The following C1orf21 variants were observed in gnomAD, a reference collection of about 807,000 sequenced individuals.
The protein encoded by C1orf21 is uncharacterized protein C1orf21.
C1orf21 carries 3 observed loss-of-function variants against 18.7 expected under a neutral mutation model. That is an observed-to-expected ratio of 0.16 (90% confidence interval 0.07 to 0.42). The LOEUF (loss-of-function observed/expected upper bound fraction) is 0.42. C1orf21 is among the 10% of genes least tolerant of loss of function. C1orf21 has a pLI of 0.99. For missense variants in C1orf21, 104 were observed against 143.6 expected, an observed-to-expected ratio of 0.72 and a Z score of 1.41; for synonymous variants, 41 against 46.4, an observed-to-expected ratio of 0.88 and a Z score of 0.47.
chr1:184,546,966 T>C (rs1658736649), intron 3 of C1orf21, among the ~76,000 whole-genome samples: 1 of 152,212 alleles, frequency 6.6e-6, no homozygotes. Flanking sequence ...GAAATCTGGC[T>C]GATCTGGAGG....
chr1:184,501,174 AG>A (rs1657970725), intron 2 of C1orf21, among the ~76,000 whole-genome samples: 1 of 152,202 alleles, frequency 6.6e-6, no homozygotes, highest in East Asian at 1.9e-4. Context: ...GACACTGGCC[AG>A]GGAGGCCATA....
chr1:184,397,591 GA>G (rs140571615), intron 1 of C1orf21, among the ~76,000 whole-genome samples: 1 of 148,472 alleles, frequency 6.7e-6, no homozygotes, highest in East Asian at 2.1e-4. Flanking sequence ...GTCTGAAAAA[GA>G]AAAAAAAACA....
At chr1:184,559,157 G>A (rs1362942012) in intron 3 of C1orf21, among the ~76,000 whole-genome samples, 1 of 152,110 alleles carries the variant, frequency 6.6e-6, no homozygotes, top group Admixed American at 6.5e-5. Flanking sequence ...TGGAGGTCAG[G>A]CCTGGTAGGA....
chr1:184,446,986 A>T (rs1460840144), intron 1 of C1orf21, among the ~76,000 whole-genome samples: 1 of 151,862 alleles, frequency 6.6e-6, no homozygotes, highest in African/African-American at 2.4e-5. Flanking sequence ...GAAATTTTCC[A>T]TAAGAAAATA....
intron 1 of C1orf21, among the ~76,000 whole-genome samples, chr1:184,468,528 T>G (rs138649464): frequency 6.6e-6 from 1 of 152,348 alleles, no homozygotes; most frequent in Admixed American, 6.5e-5. Flanking sequence ...TACATTACAT[T>G]ATTAAAATTA....
chr1:184,552,330 A>G (rs1658824111), intron 3 of C1orf21, among the ~76,000 whole-genome samples: 1 of 152,232 alleles, frequency 6.6e-6, no homozygotes, highest in Non-Finnish European at 1.5e-5. Flanking sequence ...TTAAAAATGC[A>G]GATTTAAGAA....
intron 3 of C1orf21, among the ~76,000 whole-genome samples, chr1:184,536,881 G>A (rs1049217569): frequency 2.7e-5 from 4 of 150,706 alleles, no homozygotes; most frequent in Admixed American, 1.3e-4. Flanking sequence ...CCCTAAAAAT[G>A]GAAAAACAGA....
rs573709160 is a variant in C1orf21, at chr1:184,536,855, A to G, written c.189+29173A>G. On this transcript the variant is annotated intron_variant, in intron 3 of 5. Coordinates refer to ENST00000235307, the MANE Select transcript of C1orf21 (RefSeq NM_030806.4). ...GGAGTGTATTCTTTTGTGGAAAAAA[A>G]AAAAAAGATTACTTTCCCTAAAAAT... Among the ~76,000 whole-genome samples the G allele has an allele frequency of 8.0e-4, 122 of 151,962 alleles. 1 individual carries two copies. The highest frequency in any genetic ancestry group is 2.1e-4 in the Non-Finnish European group (14 of 67,948).
intron 5 of C1orf21, among the ~76,000 whole-genome samples, chr1:184,604,973 C>T (rs1357207577): frequency 1.3e-5 from 2 of 152,138 alleles, no homozygotes; most frequent in African/African-American, 4.8e-5. Flanking sequence ...AAATAAAAAC[C>T]ACGCCATTTC....
At chr1:184,475,291 C>A (rs917989480) in intron 1 of C1orf21, among the ~76,000 whole-genome samples, 1 of 152,124 alleles carries the variant, frequency 6.6e-6, no homozygotes, top group African/African-American at 2.4e-5. Context: ...GGTAGCAAGG[C>A]CTTCTGCAGG....
chr1:184,406,920 A>G (rs1656257902), intron 1 of C1orf21, among the ~76,000 whole-genome samples: 1 of 152,106 alleles, frequency 6.6e-6, no homozygotes, highest in Non-Finnish European at 1.5e-5. Context: ...CGGCCTACCA[A>G]AATGATGGGA....
chr1:184,469,075 A>C (rs2101987205), intron 1 of C1orf21, among the ~76,000 whole-genome samples: 1 of 151,622 alleles, frequency 6.6e-6, no homozygotes, highest in East Asian at 1.9e-4. Flanking sequence ...TCTCTACTAA[A>C]AATACAAAAA....
At chr1:184,427,155 G>A (rs935805167) in intron 1 of C1orf21, among the ~76,000 whole-genome samples, 2 of 152,116 alleles carry the variant, frequency 1.3e-5, no homozygotes, top group Admixed American at 6.5e-5. Context: ...CAGACTTCCT[G>A]CTCACCAAGA....
intron 5 of C1orf21, among the ~76,000 whole-genome samples, chr1:184,600,341 A>G (rs1356644611): frequency 6.6e-6 from 1 of 151,902 alleles, no homozygotes; most frequent in Admixed American, 6.6e-5. Context: ...TAATTTTTGT[A>G]TTTTTAGTAG....
intron 5 of C1orf21, among the ~76,000 whole-genome samples, chr1:184,605,818 T>C (rs1321320027): frequency 6.6e-6 from 1 of 152,218 alleles, no homozygotes; most frequent in African/African-American, 2.4e-5. Flanking sequence ...TTTGCTGTGT[T>C]GTATGTGCTC....
At chr1:184,610,846 CAA>C (rs201966213) in intron 5 of C1orf21, among the ~76,000 whole-genome samples, 59 of 72,288 alleles carry the variant, frequency 8.2e-4, no homozygotes, top group Admixed American at 1.1e-3. Flanking sequence ...GACTCTGACT[CAA>C]AAAAAAAAAA....
intron 5 of C1orf21, 26 bp from the exon 6 acceptor site, chr1:184,619,492 T>C (rs1447929188): frequency 1.9e-6 from 3 of 1,609,570 alleles, no homozygotes; most frequent in Non-Finnish European, 2.5e-6. Context: ...CTCATTCACA[T>C]GCTCTTTTTT....
chr1:184,608,728 T>C (rs886097712), intron 5 of C1orf21, among the ~76,000 whole-genome samples: 1 of 152,100 alleles, frequency 6.6e-6, no homozygotes, highest in Non-Finnish European at 1.5e-5. Flanking sequence ...TCCCAGAAAA[T>C]GGATTAATCA....
chr1:184,443,668 T>A (rs973052698), intron 1 of C1orf21, among the ~76,000 whole-genome samples: 7 of 152,214 alleles, frequency 4.6e-5, no homozygotes, highest in Admixed American at 4.6e-4. Context: ...TTTATTTCTC[T>A]AGGATTCACA....
Sources: allele counts gnomAD v4.1 joint callset (sites outside exome capture counted in the v4.1 genomes callset), GRCh38; gene constraint gnomAD v4.1.1; transcripts MANE v1.5; gene names NCBI Gene and HGNC (gene_info 2026-07-23, HGNC 2026-07-21).